PGD: variants seen among roughly 807,000 people sequenced by gnomAD.
PGD encodes the protein phosphogluconate dehydrogenase, also known as 6-phosphogluconate dehydrogenase, decarboxylating.
A neutral mutation model predicts 60.4 loss-of-function variants in PGD; 21 were observed. The ratio of observed to expected loss-of-function variants is 0.35; its 90% CI spans 0.25 to 0.50. The LOEUF (loss-of-function observed/expected upper bound fraction) is 0.50, where lower values mean the gene tolerates loss of function less well. Among genes scored for constraint, PGD ranks in the 20% least tolerant of loss-of-function variants. The pLI is 0.98. For missense variants in PGD, 477 were observed against 613.1 expected (o/e 0.78, Z 2.34); for synonymous variants, 230 against 235.9 (o/e 0.97, Z 0.23).
intron 8 of PGD, among the ~76,000 whole-genome samples, chr1:10,416,145 G>C (rs2124211977): frequency 6.6e-6 from 1 of 152,238 alleles, no homozygotes; most frequent in South Asian, 2.1e-4. Context: ...CCAGGCTGGA[G>C]AGCAGTGGTG....
intron 8 of PGD, chr1:10,415,533 C>G (rs938885644): frequency 1.3e-5 from 2 of 152,222 alleles, no homozygotes; most frequent in African/African-American, 4.8e-5. Flanking sequence ...CCCTCTCCCC[C>G]TCTAACAGGA....
At position 10,399,103 on chromosome 1, in the gene PGD, G is replaced by T; in HGVS notation, c.-15G>T. ...CCGCGCGTCGCCGCTCTTCGGTTCT[G>T]CTCTGTCCGCCGCCATGGCCCAGTG... On this transcript the variant is annotated 5_prime_UTR_variant, in exon 1 of 13. Coordinates refer to ENST00000270776, the MANE Select transcript of PGD (RefSeq NM_002631.4). The T allele has an allele frequency of 4.3e-6, 7 of 1,609,718 alleles. No homozygotes were observed. The highest frequency in any genetic ancestry group is 5.9e-6 in the Non-Finnish European group (7 of 1,179,722).
chr1:10,413,704 GA>G (rs950007906), intron 8 of PGD, among the ~76,000 whole-genome samples: 1 of 152,122 alleles, frequency 6.6e-6, no homozygotes, highest in Non-Finnish European at 1.5e-5. Context: ...AGGAGATTGA[GA>G]CCATCCTGGC....
intron 5 of PGD, among the ~76,000 whole-genome samples, chr1:10,407,398 C>T (rs1279121052): frequency 1.3e-5 from 2 of 152,006 alleles, no homozygotes; most frequent in Admixed American, 6.6e-5. Flanking sequence ...TGCAGGGAGC[C>T]GTGATTGTGC....
chr1:10,415,101 AAG>A (rs1229250338), intron 8 of PGD, among the ~76,000 whole-genome samples: 15 of 151,352 alleles, frequency 9.9e-5, no homozygotes, highest in African/African-American at 3.2e-4. Flanking sequence ...AAAAAAAAAA[AAG>A]AAGCATCTCA....
rs1427424759 is a variant in PGD, at chr1:10,411,541, G to A, written c.643G>A (p.Glu215Lys). 6 of 1,613,956 alleles carry A rather than the reference G, an allele frequency of 3.7e-6. No individual in the cohort carries two copies. Among genetic ancestry groups the A allele is most frequent in the Admixed American group, 1.7e-5 (1 of 60,000 alleles). Reference sequence around the variant, plus strand: ...AGACGTGCTGGGCATGGCGCAGGACGAGATGGCCCAGGTGAGGCCCCGGCA... The same window carrying A: ...AGACGTGCTGGGCATGGCGCAGGACAAGATGGCCCAGGTGAGGCCCCGGCA... ...MKDVLGMAQD[E>K]MAQAFEDWNK... The change falls in exon 7 of 13, where the codon GAG becomes AAG. Residue 215 changes from glutamate (E) to lysine (K), a missense_variant. This residue lies in a region of PGD where 431 missense variants were observed against 556.6 expected (regional missense o/e 0.77). Transcript: ENST00000270776.
chr1:10,410,408 C>T (rs1387374868), intron 6 of PGD, among the ~76,000 whole-genome samples: 3 of 151,822 alleles, frequency 2.0e-5, no homozygotes, highest in Non-Finnish European at 2.9e-5. Context: ...CACCGCTGCA[C>T]TCCAGCCTGG....
intron 7 of PGD, 93 bp from the exon 8 acceptor site, chr1:10,412,969 C>T (rs551662050): frequency 7.4e-6 from 8 of 1,083,058 alleles, no homozygotes; most frequent in East Asian, 2.4e-5. Context: ...TGCTGGCAAC[C>T]GTGAGCATTG....
At position 10,418,760 on chromosome 1, in the gene PGD, C is replaced by T. The variant is rs575637119; in HGVS notation, c.1110-66C>T. 71 of 898,698 alleles carry T rather than the reference C, an allele frequency of 7.9e-5. No homozygotes were observed. In the East Asian group the frequency reaches 1.6e-3, roughly 20 times the overall value. The allele number at this position is 898,698 out of a possible 1,614,324, so 55.7% of individuals were successfully genotyped here. ...ACTCCACTCCAGCCTGGTGACAAAG[C>T]GGGACTCCGTCTCAAAAAAAAAAAA... On this transcript the variant is annotated intron_variant, in intron 10 of 12. Coordinates refer to ENST00000270776, the MANE Select transcript of PGD (RefSeq NM_002631.4).
At chr1:10,418,004 G>A (rs563440815) in intron 10 of PGD, among the ~76,000 whole-genome samples, 11 of 152,308 alleles carry the variant, frequency 7.2e-5, no homozygotes, top group African/African-American at 1.9e-4. Flanking sequence ...GAGCCACTGC[G>A]CCCGGCTCCG....
chr1:10,405,812 G>T (rs961241976), intron 5 of PGD, among the ~76,000 whole-genome samples: 2 of 151,674 alleles, frequency 1.3e-5, no homozygotes, highest in Non-Finnish European at 1.5e-5. Flanking sequence ...CTCCATCATG[G>T]GTGACAGAGC....
At chr1:10,404,480 CTGTTA>C (rs1639367127) in intron 5 of PGD, among the ~76,000 whole-genome samples, 1 of 150,550 alleles carries the variant, frequency 6.6e-6, no homozygotes. Context: ...CTTTTTTCTT[CTGTTA>C]TTTCTATCAA....
chr1:10,406,503 T>C (rs1639408198), intron 5 of PGD, among the ~76,000 whole-genome samples: 1 of 152,248 alleles, frequency 6.6e-6, no homozygotes, highest in Admixed American at 6.5e-5. Context: ...GTGCTCCAGT[T>C]GTTTCCATCA....
intron 5 of PGD, among the ~76,000 whole-genome samples, chr1:10,406,805 A>G (rs917115907): frequency 2.0e-5 from 3 of 152,238 alleles, no homozygotes; most frequent in African/African-American, 7.2e-5. Flanking sequence ...ATGGTAATGT[A>G]GCTCTCAAAA....
chr1:10,418,332 G>A (rs540466491), intron 10 of PGD, among the ~76,000 whole-genome samples: 22 of 152,098 alleles, frequency 1.4e-4, no homozygotes, highest in Non-Finnish European at 2.2e-4. Flanking sequence ...CTCAAAAAGC[G>A]TGTTTATGTA....
Position 10,413,052 on chromosome 1 carries a change from C to G in PGD, c.655-10C>G, listed in dbSNP as rs761613862. 1.2e-6 allele frequency: 2 copies of G among 1,611,728 alleles called. No individual in the cohort carries two copies. Among genetic ancestry groups the G allele is most frequent in the Non-Finnish European group, 1.7e-6 (2 of 1,177,898 alleles). On this transcript the variant is annotated splice_polypyrimidine_tract_variant and intron_variant, in intron 7 of 12. Transcript: ENST00000270776. ...CTCTAACATGGTTCTCTCCTGTGTT[C>G]TGCATGTAGGCCTTTGAGGATTGGA...
intron 6 of PGD, 48 bp downstream of exon 6, chr1:10,408,188 C>G: frequency 9.2e-7 from 1 of 1,081,584 alleles, no homozygotes; most frequent in Non-Finnish European, 1.4e-6. Context: ...ATGGGCGTGT[C>G]TAAGTGATGA....
chr1:10,417,472 A>G lies in PGD; in HGVS notation c.1072A>G (p.Ile358Val), dbSNP rs1300957296. Reference sequence around the variant, plus strand: ...TGGCTGGACTCTCAATTATGGTGGCATCGCCCTGATGTGGAGAGGGGGCTG... The same window carrying G: ...TGGCTGGACTCTCAATTATGGTGGCGTCGCCCTGATGTGGAGAGGGGGCTG... ...EFGWTLNYGG[I>V]ALMWRGGCII... Residue 358 changes from isoleucine (I) to valine (V), a missense_variant, in exon 10 of 13, where the codon ATC (isoleucine) becomes GTC (valine). Around this residue, in one of 3 missense-constraint regions of PGD, gnomAD observed 431 missense variants for 556.6 expected, o/e 0.77. Coordinates refer to ENST00000270776, the MANE Select transcript of PGD (RefSeq NM_002631.4). The G allele has an allele frequency of 2.5e-6, 4 of 1,613,982 alleles. No individual in the cohort carries two copies. Among genetic ancestry groups the G allele is most frequent in the Admixed American group, 1.7e-5 (1 of 59,990 alleles).
At chr1:10,417,327 G>T (rs763198716) in intron 9 of PGD, 49 bp from the exon 10 acceptor site, 5 of 1,561,134 alleles carry the variant, frequency 3.2e-6, no homozygotes, top group East Asian at 2.3e-5. Flanking sequence ...GACATAAGGC[G>T]GTCACTCTCC....
Sources: gnomAD v4.1 joint callset for allele counts (sites outside exome capture counted in the v4.1 genomes callset) on GRCh38, gnomAD v4.1.1 for gene constraint, gnomAD v4.1.1 regional missense constraint, MANE v1.5 for transcripts, NCBI Gene and HGNC (gene_info 2026-07-23, HGNC 2026-07-21) for gene names.